GSG1L: variants seen among roughly 807,000 people sequenced by gnomAD.
GSG1L encodes GSG1 like, also known as germ cell-specific gene 1-like protein.
GSG1L carries 24 observed loss-of-function variants against 42.1 expected under a neutral mutation model. That is an observed-to-expected ratio of 0.57 (90% CI 0.41 to 0.80). The LOEUF (loss-of-function observed/expected upper bound fraction) is 0.80. Ranked by LOEUF, GSG1L falls within the 30% of genes least tolerant of loss-of-function variation. The pLI, the probability that GSG1L is intolerant of heterozygous loss-of-function variation, is 0.00. For synonymous variants in GSG1L, 215 were observed against 203.5 expected, an observed-to-expected ratio of 1.06 and a Z score of -0.48; for missense variants, 445 against 472.2, an observed-to-expected ratio of 0.94 and a Z score of 0.53.
chr16:27,952,264 G>A (rs1177376721), intron 2 of GSG1L, among the ~76,000 whole-genome samples: 1 of 152,226 alleles, frequency 6.6e-6, no homozygotes, highest in Non-Finnish European at 1.5e-5. Flanking sequence ...GCGCCACAAA[G>A]ACAAGATGCA....
chr16:28,053,685 C>T (rs1259647328), intron 1 of GSG1L, among the ~76,000 whole-genome samples: 1 of 152,198 alleles, frequency 6.6e-6, no homozygotes, highest in Non-Finnish European at 1.5e-5. Flanking sequence ...TCCTCTCCAG[C>T]TTCTCGGGCA....
intron 2 of GSG1L, among the ~76,000 whole-genome samples, chr16:27,956,760 C>G (rs373683624): frequency 2.0e-5 from 3 of 151,642 alleles, no homozygotes; most frequent in African/African-American, 7.3e-5. Flanking sequence ...CCAAGCCTTC[C>G]GACATGAGCT....
At chr16:27,944,970 G>A (rs1007021092) in intron 2 of GSG1L, among the ~76,000 whole-genome samples, 1 of 151,450 alleles carries the variant, frequency 6.6e-6, no homozygotes, top group Non-Finnish European at 1.5e-5. Context: ...TCAGATACTC[G>A]GGAGGCTGAG....
At chr16:27,870,485 C>A (rs1223564030) in intron 3 of GSG1L, among the ~76,000 whole-genome samples, 1 of 151,322 alleles carries the variant, frequency 6.6e-6, no homozygotes. Flanking sequence ...AAGTGTGTGT[C>A]TCCCTCTGTC....
chr16:28,028,903 G>A (rs1287289193), intron 1 of GSG1L, among the ~76,000 whole-genome samples: 2 of 152,212 alleles, frequency 1.3e-5, no homozygotes, highest in African/African-American at 4.8e-5. Flanking sequence ...GGGCTTCAGG[G>A]AGCTCTCAGA....
chr16:27,938,483 T>A (rs528097971), intron 2 of GSG1L, among the ~76,000 whole-genome samples: 2 of 144,546 alleles, frequency 1.4e-5, no homozygotes, highest in African/African-American at 5.2e-5. Context: ...GAGACAAATG[T>A]CCCTGGAAAC....
At chr16:27,910,959 G>T (rs2084380257) in intron 2 of GSG1L, among the ~76,000 whole-genome samples, 1 of 152,178 alleles carries the variant, frequency 6.6e-6, no homozygotes, top group Non-Finnish European at 1.5e-5. Context: ...GCTGCAGTGA[G>T]CCATGATTGC....
chr16:28,007,601 C>T (rs573077122), intron 1 of GSG1L, among the ~76,000 whole-genome samples: 2 of 152,226 alleles, frequency 1.3e-5, no homozygotes, highest in South Asian at 2.1e-4. Context: ...CCACCTCAAT[C>T]CCCCAGGCTC....
At chr16:27,849,830 G>A (rs542753837) in intron 3 of GSG1L, among the ~76,000 whole-genome samples, 2 of 150,638 alleles carry the variant, frequency 1.3e-5, no homozygotes, top group African/African-American at 2.4e-5. Flanking sequence ...CCAGCCTGGG[G>A]CAAGTTTTGA....
At chr16:27,975,038 T>C (rs1167820987) in intron 1 of GSG1L, among the ~76,000 whole-genome samples, 2 of 151,910 alleles carry the variant, frequency 1.3e-5, no homozygotes, top group African/African-American at 4.8e-5. Context: ...AATTCACACT[T>C]AACAAGCCTC....
intron 1 of GSG1L, among the ~76,000 whole-genome samples, chr16:27,978,272 G>C (rs570845602): frequency 2.6e-4 from 40 of 152,142 alleles, no homozygotes; most frequent in Non-Finnish European, 5.0e-4. Flanking sequence ...GTTTAATTGA[G>C]AAAGAAGCTC....
rs7186172 is a variant in GSG1L at position 27,997,361 on chromosome 16, C to G, written c.350-34158G>C. Among the ~76,000 whole-genome samples, 663 of 128,006 alleles carry G rather than the reference C, an allele frequency of 5.2e-3. 4 individuals carry two copies. The highest frequency in any genetic ancestry group is 0.017 in the African/African-American group (616 of 36,376). The allele number at this position is 128,006 out of a possible 152,430, so 84.0% of individuals were successfully genotyped here. On this transcript the variant is annotated intron_variant, in intron 1 of 6. Transcript: ENST00000447459. The stretch of plus-strand genomic sequence containing the variant: ...TTGAGACAGAGTCTTGCTCTGTCAC[C>G]CAGGCTGGAGTGCAGTGGTGCAACC...
At chr16:27,931,125 A>C (rs1049464860) in intron 2 of GSG1L, among the ~76,000 whole-genome samples, 3 of 152,200 alleles carry the variant, frequency 2.0e-5, no homozygotes, top group African/African-American at 7.2e-5. Context: ...TCTCCAGGTC[A>C]TTTATAATAA....
At chr16:28,027,606 C>T (rs1044346125) in intron 1 of GSG1L, among the ~76,000 whole-genome samples, 1 of 152,112 alleles carries the variant, frequency 6.6e-6, no homozygotes, top group Non-Finnish European at 1.5e-5. Flanking sequence ...AATCAAAGAG[C>T]ATTTGGTGAT....
chr16:27,880,586 C>T (rs530740010), intron 3 of GSG1L, among the ~76,000 whole-genome samples: 11 of 152,228 alleles, frequency 7.2e-5, no homozygotes, highest in Admixed American at 5.2e-4. Flanking sequence ...TGGAGACAAT[C>T]GTATTTGCTT....
intron 5 of GSG1L, among the ~76,000 whole-genome samples, chr16:27,819,693 G>A (rs575891393): frequency 2.0e-5 from 3 of 152,282 alleles, no homozygotes; most frequent in South Asian, 2.1e-4. Context: ...CAAGGGGCCC[G>A]GAGTACACGG....
At chr16:27,868,469 G>A (rs140780824) in intron 3 of GSG1L, among the ~76,000 whole-genome samples, 61 of 152,348 alleles carry the variant, frequency 4.0e-4, no homozygotes, top group African/African-American at 1.5e-3. Flanking sequence ...GGCTAATGAG[G>A]AGAGTGACAT....
intron 3 of GSG1L, among the ~76,000 whole-genome samples, chr16:27,855,764 C>A (rs1056191428): frequency 1.3e-5 from 2 of 151,674 alleles, no homozygotes; most frequent in Non-Finnish European, 2.9e-5. Context: ...CAGACATGGC[C>A]CCTACCCACT....
At chr16:28,006,231 C>CA (rs1454877052) in intron 1 of GSG1L, among the ~76,000 whole-genome samples, 1 of 152,088 alleles carries the variant, frequency 6.6e-6, no homozygotes, top group Non-Finnish European at 1.5e-5. Flanking sequence ...TCAGAATAAG[C>CA]AAAAAATGCA....
Sources: allele counts gnomAD v4.1 joint callset (sites outside exome capture counted in the v4.1 genomes callset), GRCh38; gene constraint gnomAD v4.1.1; transcripts MANE v1.5; gene names NCBI Gene and HGNC (gene_info 2026-07-23, HGNC 2026-07-21).